NPC1: variants seen among roughly 807,000 people sequenced by gnomAD.
NPC1 encodes the protein Niemann-Pick C1 protein.
Under a neutral mutation model 140.4 loss-of-function variants are expected in NPC1, and 85 were observed. That is an observed-to-expected ratio of 0.61 (90% CI 0.51 to 0.72). The LOEUF is 0.72. Among genes scored for constraint, NPC1 ranks in the 30% least tolerant of loss-of-function variants. The pLI is 0.00. For synonymous variants in NPC1, 656 were observed against 624.8 expected (o/e 1.05, Z -0.74); for missense variants, 1,504 against 1,623.8 (o/e 0.93, Z 1.27).
In NPC1 at chr18:23,532,030, CCAAGT is replaced by C; in HGVS notation, c.*167_*171del. 1 of 1,539,048 alleles carries C rather than the reference CCAAGT, an allele frequency of 6.5e-7. No individual in the cohort carries two copies. The highest frequency in any genetic ancestry group is 1.2e-5 in the South Asian group (1 of 82,674). On this transcript the variant is annotated 3_prime_UTR_variant, in exon 25 of 25. Coordinates refer to ENST00000269228, the MANE Select transcript of NPC1 (RefSeq NM_000271.5). ...CCTCCAGATCTAGTAATACTGCTTCCCAAGTCAACTGTGCATTCCTGAGTTCACAG... is the reference window on the plus strand; with the variant it reads ...CCTCCAGATCTAGTAATACTGCTTCCCAACTGTGCATTCCTGAGTTCACAG...
intron 10 of NPC1, among the ~76,000 whole-genome samples, chr18:23,549,398 G>T (rs992125513): frequency 2.6e-5 from 4 of 152,136 alleles, no homozygotes; most frequent in Non-Finnish European, 4.4e-5. Flanking sequence ...AGCACTTTGG[G>T]AGGCCAAGGT....
At chr18:23,530,458 G>A (rs1329747771), downstream of NPC1, 13 of 1,614,106 alleles carry the variant, frequency 8.1e-6, no homozygotes, top group African/African-American at 1.3e-5. Flanking sequence ...CTGCCTTAAG[G>A]TTTATCCGGG....
At chr18:23,524,420 A>G (rs1208573953), downstream of NPC1, 8 of 1,613,548 alleles carry the variant, frequency 5.0e-6, no homozygotes, top group Non-Finnish European at 6.8e-6. Context: ...AATTTCCTAT[A>G]ACATGTGGAT....
chr18:23,560,138 G>A (rs1200214661), intron 6 of NPC1, 93 bp downstream of exon 6: 2 of 1,489,656 alleles, frequency 1.3e-6, no homozygotes, highest in East Asian at 2.3e-5. Flanking sequence ...TTTGTTTCTT[G>A]TCCTAAGTAA....
intron 3 of NPC1, chr18:23,507,026 T>G (rs746347209): frequency 6.2e-7 from 1 of 1,609,596 alleles, no homozygotes. Flanking sequence ...AATAAGATAT[T>G]GGCTGTTCAG....
At chr18:23,530,237 G>A, downstream of NPC1, 3 of 1,614,178 alleles carry the variant, frequency 1.9e-6, no homozygotes, top group Non-Finnish European at 2.5e-6. Context: ...AGGCTTGTCT[G>A]CTGTTATCCC....
intron 4 of NPC1, among the ~76,000 whole-genome samples, chr18:23,566,805 T>C (rs1189477199): frequency 6.6e-6 from 1 of 152,238 alleles, no homozygotes; most frequent in Non-Finnish European, 1.5e-5. Context: ...ATAGAGTATT[T>C]TCACCACCTA....
intron 22 of NPC1, 52 bp downstream of exon 22, chr18:23,535,417 C>T: frequency 7.7e-7 from 1 of 1,294,368 alleles, no homozygotes; most frequent in Non-Finnish European, 1.1e-6. Flanking sequence ...ACAGCCAATT[C>T]CCCCAAGTGA....
downstream of NPC1, among the ~76,000 whole-genome samples, chr18:23,527,223 CAA>C (rs386387173): frequency 0.022 from 977 of 43,602 alleles, 6 homozygotes; most frequent in African/African-American, 0.059. Flanking sequence ...CCTGTCTCTA[CAA>C]AAAAAAAAAA....
intron 6 of NPC1, among the ~76,000 whole-genome samples, chr18:23,559,826 C>G (rs747600387): frequency 6.6e-6 from 1 of 152,034 alleles, no homozygotes; most frequent in African/African-American, 2.4e-5. Context: ...GGCATGGTGG[C>G]GGATGCCTGT....
intron 9 of NPC1, among the ~76,000 whole-genome samples, chr18:23,554,229 CTTATTTT>C (rs2058916402): frequency 6.6e-6 from 1 of 152,146 alleles, no homozygotes; most frequent in African/African-American, 2.4e-5. Context: ...TCTGTCCAGC[CTTATTTT>C]TCTCCTCATA....
At chr18:23,536,278 A>G (rs2058629308) in intron 21 of NPC1, among the ~76,000 whole-genome samples, 1 of 152,206 alleles carries the variant, frequency 6.6e-6, no homozygotes, top group African/African-American at 2.4e-5. Context: ...CCCTAACAAT[A>G]TAAAAAGTCT....
Position 23,542,272 on chromosome 18 carries a change from T to C in NPC1, c.2246-839A>G, listed in dbSNP as rs563544782. On this transcript the variant is annotated intron_variant, in intron 14 of 24. Coordinates refer to ENST00000269228, the MANE Select transcript of NPC1 (RefSeq NM_000271.5). Reference sequence around the variant, plus strand: ...AAGTTTTTTCTTTTTTTTTTTTTTTTCTGCACCTGTGTTTGTCAAAAGGAA... The same window carrying C: ...AAGTTTTTTCTTTTTTTTTTTTTTTCCTGCACCTGTGTTTGTCAAAAGGAA... Among the ~76,000 whole-genome samples, 44 of 150,590 alleles carry C rather than the reference T, an allele frequency of 2.9e-4. 1 individual carries two copies. The highest frequency in any genetic ancestry group is 5.0e-4 in the Non-Finnish European group (34 of 67,836).
intron 3 of NPC1, among the ~76,000 whole-genome samples, chr18:23,512,367 C>CTT (rs935559535): frequency 2.6e-5 from 4 of 152,048 alleles, no homozygotes; most frequent in East Asian, 3.9e-4. Flanking sequence ...AAGTAAGCAT[C>CTT]TTTTCATTTG....
chr18:23,538,480 T>C (rs2058664758), intron 20 of NPC1, 62 bp downstream of exon 20: 10 of 1,601,494 alleles, frequency 6.2e-6, no homozygotes, highest in Non-Finnish European at 7.7e-6. Context: ...AGTCCTCTCC[T>C]AGTTTTCTAC....
In NPC1 at chr18:23,531,756, A is replaced by G; in HGVS notation, c.*446T>C. On this transcript the variant is annotated 3_prime_UTR_variant, in exon 25 of 25. Coordinates refer to ENST00000269228, the MANE Select transcript of NPC1 (RefSeq NM_000271.5). ...AATGTGTACAAAGTTAATTTATTGC[A>G]TTAATAAAGCTCTTTAAACTATAAA... The G allele has an allele frequency of 6.3e-7, 1 of 1,585,964 alleles. No individual in the cohort carries two copies. The highest frequency in any genetic ancestry group is 1.2e-5 in the South Asian group (1 of 85,842).
intron 1 of NPC1, among the ~76,000 whole-genome samples, chr18:23,579,657 G>A (rs551362977): frequency 1.3e-5 from 2 of 152,180 alleles, no homozygotes; most frequent in Non-Finnish European, 2.9e-5. Flanking sequence ...TTGGGAGGCC[G>A]AGGTGGGCAG....
At chr18:23,560,894 C>A (rs1465367761) in intron 5 of NPC1, among the ~76,000 whole-genome samples, 1 of 152,224 alleles carries the variant, frequency 6.6e-6, no homozygotes, top group African/African-American at 2.4e-5. Flanking sequence ...CCCAGCACCC[C>A]CTAAATTAGC....
At chr18:23,584,206 C>A (rs983031482) in intron 1 of NPC1, among the ~76,000 whole-genome samples, 15 of 152,316 alleles carry the variant, frequency 9.8e-5, no homozygotes, top group Admixed American at 9.8e-4. Context: ...TATTTCAGAT[C>A]TTACACAGGA....
Sources: allele counts gnomAD v4.1 joint callset (sites outside exome capture counted in the v4.1 genomes callset), GRCh38; gene constraint gnomAD v4.1.1; transcripts MANE v1.5; gene names NCBI Gene and HGNC (gene_info 2026-07-23, HGNC 2026-07-21).